LHFPL3: variants seen among roughly 807,000 people sequenced by gnomAD.
LHFPL3 encodes the protein LHFPL tetraspan subfamily member 3 protein.
Under a neutral mutation model 19.3 loss-of-function variants are expected in LHFPL3, and 5 were observed. The ratio of observed to expected loss-of-function variants is 0.26; its 90% CI spans 0.14 to 0.54. The LOEUF (loss-of-function observed/expected upper bound fraction) is 0.54. Among genes scored for constraint, LHFPL3 ranks in the 20% least tolerant of loss-of-function variants. The pLI, the probability that LHFPL3 is intolerant of heterozygous loss-of-function variation, is 0.94. For missense variants in LHFPL3, 249 were observed against 307.4 expected (o/e 0.81, Z 1.42); for synonymous variants, 133 against 126.2 (o/e 1.05, Z -0.36).
intron 1 of LHFPL3, among the ~76,000 whole-genome samples, chr7:104,605,363 G>C (rs1791074241): frequency 1.3e-5 from 2 of 152,076 alleles, no homozygotes; most frequent in South Asian, 4.1e-4. Context: ...AAAAAATGGT[G>C]ATTTCCTTTG....
rs77462181 is a variant in LHFPL3 at position 104,600,613 on chromosome 7, T to C, written c.446-136062T>C. On this transcript the variant is annotated intron_variant, in intron 1 of 2. Transcript: ENST00000424859. ...CCTCAGAGTGAAGAAGTAGATTATG[T>C]AGATAAAATCCTCTTTTTGCTGGCA... 4.1e-3 allele frequency among the ~76,000 whole-genome samples: 620 copies of C among 152,344 alleles called. 34 individuals carry two copies. In the East Asian group the frequency reaches 0.099, roughly 24 times the overall value.
chr7:104,586,884 T>C (rs1205143520), intron 1 of LHFPL3, among the ~76,000 whole-genome samples: 2 of 152,146 alleles, frequency 1.3e-5, no homozygotes, highest in Non-Finnish European at 2.9e-5. Context: ...TAGAGCTTTC[T>C]GGGAATATAT....
Position 104,879,521 on chromosome 7 carries a change from A to T in LHFPL3, c.683-26666A>T, listed in dbSNP as rs187175911. On this transcript the variant is annotated intron_variant, in intron 2 of 2. Transcript: ENST00000424859. ...CATCACCTGAGGCTAGGAGTTCGAG[A>T]CCAGCCTAGGCAATGTGGCAAGATC... 3.3e-5 allele frequency among the ~76,000 whole-genome samples: 5 copies of T among 152,286 alleles called. No homozygotes were observed. The East Asian group carries it at 7.7e-4, about 24-fold the overall frequency.
At chr7:104,480,058 A>G (rs903670440) in intron 1 of LHFPL3, among the ~76,000 whole-genome samples, 1 of 152,208 alleles carries the variant, frequency 6.6e-6, no homozygotes, top group African/African-American at 2.4e-5. Flanking sequence ...CAGATCAGAC[A>G]TCTGGAATCA....
chr7:104,672,520 C>T (rs1468636615), intron 1 of LHFPL3, among the ~76,000 whole-genome samples: 3 of 152,150 alleles, frequency 2.0e-5, no homozygotes, highest in Admixed American at 6.5e-5. Context: ...ATAATCTCAG[C>T]GGCTAAAAAG....
chr7:104,563,356 C>T (rs574623522), intron 1 of LHFPL3, among the ~76,000 whole-genome samples: 1,856 of 150,472 alleles, frequency 0.012, no homozygotes, highest in Non-Finnish European at 0.019. Context: ...TAGGACCCTC[C>T]GAGCCAGGTG....
intron 1 of LHFPL3, among the ~76,000 whole-genome samples, chr7:104,605,868 T>C (rs980790880): frequency 8.1e-5 from 3 of 37,148 alleles, no homozygotes; most frequent in Non-Finnish European, 4.0e-4. Context: ...AAAATGATGG[T>C]CTGAAAAAAA....
At chr7:104,820,757 C>G (rs193168224) in intron 2 of LHFPL3, among the ~76,000 whole-genome samples, 2 of 152,126 alleles carry the variant, frequency 1.3e-5, no homozygotes, top group African/African-American at 2.4e-5. Context: ...CCCCCCAGAC[C>G]AAAGAAGCAG....
intron 1 of LHFPL3, among the ~76,000 whole-genome samples, chr7:104,495,660 G>T (rs1214040609): frequency 1.3e-5 from 2 of 152,172 alleles, no homozygotes. Context: ...TGGGATTACA[G>T]GCTTGAGCTA....
chr7:104,564,138 C>T (rs1790073883), intron 1 of LHFPL3, among the ~76,000 whole-genome samples: 1 of 152,132 alleles, frequency 6.6e-6, no homozygotes, highest in Admixed American at 6.5e-5. Context: ...CCCAGTAACC[C>T]ATCCTAGGTC....
At chr7:104,629,351 G>C (rs1791600951) in intron 1 of LHFPL3, among the ~76,000 whole-genome samples, 1 of 151,990 alleles carries the variant, frequency 6.6e-6, no homozygotes, top group Admixed American at 6.6e-5. Flanking sequence ...TACTAGATTG[G>C]CCACTGTTCA....
At chr7:104,577,916 A>C (rs1210082758) in intron 1 of LHFPL3, among the ~76,000 whole-genome samples, 1 of 152,184 alleles carries the variant, frequency 6.6e-6, no homozygotes, top group Non-Finnish European at 1.5e-5. Context: ...CCCCTCAACT[A>C]TGGGAAAGTG....
chr7:104,812,205 C>T (rs1000821559), intron 2 of LHFPL3, among the ~76,000 whole-genome samples: 3 of 152,174 alleles, frequency 2.0e-5, no homozygotes, highest in African/African-American at 4.8e-5. Flanking sequence ...AACTTCAATT[C>T]AGTAATTTGC....
chr7:104,495,459 C>A (rs1016013928), intron 1 of LHFPL3, among the ~76,000 whole-genome samples: 1 of 152,224 alleles, frequency 6.6e-6, no homozygotes, highest in African/African-American at 2.4e-5. Context: ...TCTCAGCTCA[C>A]TGCAAGCTCC....
chr7:104,535,910 C>T (rs1388091466), intron 1 of LHFPL3, among the ~76,000 whole-genome samples: 4 of 152,180 alleles, frequency 2.6e-5, no homozygotes, highest in African/African-American at 9.7e-5. Flanking sequence ...GAGCGAGTGC[C>T]ATCGGCACAT....
chr7:104,346,675 C>G (rs1790073059), intron 1 of LHFPL3, among the ~76,000 whole-genome samples: 1 of 101,852 alleles, frequency 9.8e-6, no homozygotes, highest in Non-Finnish European at 1.9e-5. Context: ...GTAGATTTCT[C>G]TTAGTTCTAT....
chr7:104,631,678 T>C (rs1791645046), intron 1 of LHFPL3, among the ~76,000 whole-genome samples: 1 of 152,198 alleles, frequency 6.6e-6, no homozygotes, highest in Non-Finnish European at 1.5e-5. Flanking sequence ...TTGCTATTCC[T>C]TCAATATTGC....
intron 1 of LHFPL3, among the ~76,000 whole-genome samples, chr7:104,562,358 A>C (rs1261181040): frequency 6.6e-6 from 1 of 152,082 alleles, no homozygotes; most frequent in African/African-American, 2.4e-5. Flanking sequence ...ATAGTCCCAT[A>C]GTTCTTGGAG....
chr7:104,646,499 G>T (rs1205757798), intron 1 of LHFPL3, among the ~76,000 whole-genome samples: 1 of 152,180 alleles, frequency 6.6e-6, no homozygotes, highest in Non-Finnish European at 1.5e-5. Context: ...AGAGGAAAGG[G>T]ATCTGAAACA....
Sources: gnomAD v4.1 joint callset for allele counts (sites outside exome capture counted in the v4.1 genomes callset) on GRCh38, gnomAD v4.1.1 for gene constraint, MANE v1.5 for transcripts, NCBI Gene and HGNC (gene_info 2026-07-23, HGNC 2026-07-21) for gene names.